Variants in CHRM2 observed in about 807,000 individuals in gnomAD.
CHRM2 encodes the protein muscarinic acetylcholine receptor M2.
A neutral mutation model predicts 25.0 loss-of-function variants in CHRM2; 8 were observed. The observed-to-expected ratio is 0.32, with a 90% CI of 0.19 to 0.58. The LOEUF (loss-of-function observed/expected upper bound fraction) is 0.58. Ranked by LOEUF, CHRM2 falls within the 20% of genes least tolerant of loss-of-function variation. The pLI is 0.88. For synonymous variants in CHRM2, 202 were observed against 205.7 expected, an observed-to-expected ratio of 0.98 and a Z score of 0.15; for missense variants, 440 against 567.1, an observed-to-expected ratio of 0.78 and a Z score of 2.28.
intron 2 of CHRM2, among the ~76,000 whole-genome samples, chr7:136,893,821 C>T (rs1796787815): frequency 1.3e-5 from 2 of 152,188 alleles, no homozygotes; most frequent in South Asian, 4.1e-4. Context: ...AAGCTCTATC[C>T]TCTCTGAAAA....
chr7:136,971,015 T>C (rs1038564219), intron 2 of CHRM2, among the ~76,000 whole-genome samples: 1 of 152,244 alleles, frequency 6.6e-6, no homozygotes, highest in Admixed American at 6.5e-5. Flanking sequence ...CTCTTCTCCA[T>C]CCTCTTAGTC....
At chr7:136,907,244 T>G (rs1185501942) in intron 2 of CHRM2, among the ~76,000 whole-genome samples, 1 of 151,880 alleles carries the variant, frequency 6.6e-6, no homozygotes, top group Non-Finnish European at 1.5e-5. Context: ...TGGCCTGGGG[T>G]TGAAGACCCC....
At chr7:136,959,338 A>G (rs1800922376) in intron 2 of CHRM2, among the ~76,000 whole-genome samples, 1 of 152,240 alleles carries the variant, frequency 6.6e-6, no homozygotes, top group African/African-American at 2.4e-5. Context: ...AAGCAAAGTG[A>G]TTTGAGTGGA....
intron 2 of CHRM2, among the ~76,000 whole-genome samples, chr7:136,974,288 T>C (rs1264652729): frequency 6.6e-6 from 1 of 152,188 alleles, no homozygotes; most frequent in African/African-American, 2.4e-5. Context: ...ATTTACTGAA[T>C]GCCTTCTATG....
intron 3 of CHRM2, among the ~76,000 whole-genome samples, chr7:137,007,182 T>C (rs952794989): frequency 6.6e-6 from 1 of 152,112 alleles, no homozygotes; most frequent in Non-Finnish European, 1.5e-5. Flanking sequence ...CTGACCAGCC[T>C]TGCTCCATGG....
intron 2 of CHRM2, among the ~76,000 whole-genome samples, chr7:136,930,237 AG>A (rs1798983140): frequency 6.6e-6 from 1 of 152,022 alleles, no homozygotes; most frequent in Admixed American, 6.5e-5. Context: ...GTTTGAGACC[AG>A]CCTGGCCTAC....
rs1797322606 is a variant in CHRM2, at chr7:136,903,111, G to A, written c.-125+33693G>A. 9 of 533,208 alleles carry A rather than the reference G, an allele frequency of 1.7e-5. No homozygotes were observed. In the Admixed American group the frequency reaches 1.8e-4, roughly 10 times the overall value. 33.0% of individuals were successfully genotyped at this position (533,208 alleles called of 1,614,324 possible). A position where few individuals can be genotyped will look rare whatever the true frequency, so the allele number is the denominator to read the frequency against. ...CAGAAACTCATTTGGGCTAGTGTAG[G>A]TGTAGGTTTTTTATTCTTCAACCAA... is the stretch of plus-strand genomic sequence containing the variant. On this transcript the variant is annotated intron_variant, in intron 2 of 3. Coordinates refer to ENST00000680005, the MANE Select transcript of CHRM2 (RefSeq NM_001006630.2).
rs774392841 is a variant in CHRM2, at chr7:137,018,868, G to A, written c.*2602G>A. The A allele has an allele frequency of 3.3e-5, 5 of 151,890 alleles. No individual in the cohort carries two copies. The highest frequency in any genetic ancestry group is 7.2e-5 in the African/African-American group (3 of 41,402). 9.4% of individuals were successfully genotyped at this position (151,890 alleles called of 1,614,324 possible). On this transcript the variant is annotated 3_prime_UTR_variant, in exon 4 of 4. Coordinates refer to ENST00000680005, the MANE Select transcript of CHRM2 (RefSeq NM_001006630.2). Reference sequence around the variant, plus strand: ...GGAGAGATATGGAGATTATATTCAAGGATTTTTATTAACCACTGCTGGATT... The same window carrying A: ...GGAGAGATATGGAGATTATATTCAAAGATTTTTATTAACCACTGCTGGATT...
intron 2 of CHRM2, among the ~76,000 whole-genome samples, chr7:136,975,162 C>T (rs939631531): frequency 2.0e-5 from 3 of 152,108 alleles, no homozygotes; most frequent in Non-Finnish European, 2.9e-5. Flanking sequence ...CAGAAAGTGT[C>T]AGGATGTAAG....
At chr7:136,885,470 C>T (rs1485962907) in intron 2 of CHRM2, among the ~76,000 whole-genome samples, 1 of 152,182 alleles carries the variant, frequency 6.6e-6, no homozygotes, top group Non-Finnish European at 1.5e-5. Flanking sequence ...TCTTATTATT[C>T]TGCTTTTTAA....
intron 2 of CHRM2, among the ~76,000 whole-genome samples, chr7:136,963,588 T>C (rs1441744855): frequency 1.3e-5 from 2 of 152,164 alleles, no homozygotes; most frequent in Non-Finnish European, 2.9e-5. Flanking sequence ...GGAAATTAAT[T>C]ATTCTCTATT....
chr7:136,905,952 A>AT (rs1209719642), intron 2 of CHRM2, among the ~76,000 whole-genome samples: 6 of 149,220 alleles, frequency 4.0e-5, no homozygotes, highest in Admixed American at 6.7e-5. Flanking sequence ...CCAAAATGTT[A>AT]TTTTTTTTTC....
intron 2 of CHRM2, among the ~76,000 whole-genome samples, chr7:136,951,979 A>C (rs908227763): frequency 1.3e-5 from 2 of 152,094 alleles, no homozygotes; most frequent in Non-Finnish European, 2.9e-5. Context: ...TCTCTTATCC[A>C]CAAGCAGGTT....
At chr7:136,917,655 A>T (rs1384000736) in intron 2 of CHRM2, among the ~76,000 whole-genome samples, 1 of 152,100 alleles carries the variant, frequency 6.6e-6, no homozygotes, top group Non-Finnish European at 1.5e-5. Context: ...AATCTTAAGC[A>T]TTTAAACCCA....
intron 3 of CHRM2, among the ~76,000 whole-genome samples, chr7:136,994,491 C>T (rs1584893684): frequency 8.1e-6 from 1 of 122,956 alleles, no homozygotes. Flanking sequence ...TATTCATTTT[C>T]TATAGTGCTT....
At chr7:136,892,214 T>C (rs1263538587) in intron 2 of CHRM2, among the ~76,000 whole-genome samples, 2 of 152,250 alleles carry the variant, frequency 1.3e-5, no homozygotes, top group South Asian at 4.1e-4. Flanking sequence ...AGTTGGTGAA[T>C]TGTGCTTCCT....
intron 3 of CHRM2, among the ~76,000 whole-genome samples, chr7:137,006,267 G>A (rs1453822213): frequency 1.3e-5 from 2 of 152,012 alleles, no homozygotes; most frequent in Non-Finnish European, 2.9e-5. Flanking sequence ...TTCCTTTTTG[G>A]CAGGAGTTGT....
In CHRM2 at chr7:136,980,144, T is replaced by G. The variant is rs184084435; in HGVS notation, c.-124-12043T>G. On this transcript the variant is annotated intron_variant, in intron 2 of 3. Coordinates refer to ENST00000680005, the MANE Select transcript of CHRM2 (RefSeq NM_001006630.2). ...CTTGAGCAGTGGTTTGTAGTTCTCC[T>G]TAAAGAGGTTCTTCACATCCTTTGT... 2.8e-3 allele frequency among the ~76,000 whole-genome samples: 429 copies of G among 152,346 alleles called. 4 individuals carry two copies. Among genetic ancestry groups the G allele is most frequent in the African/African-American group, 9.9e-3 (411 of 41,588 alleles).
chr7:136,926,172 G>A (rs1798739882), intron 2 of CHRM2, among the ~76,000 whole-genome samples: 2 of 152,046 alleles, frequency 1.3e-5, no homozygotes, highest in Admixed American at 6.5e-5. Flanking sequence ...GGAGGTCGAG[G>A]CTACAGTGAG....
Sources: gnomAD v4.1 joint callset for allele counts (sites outside exome capture counted in the v4.1 genomes callset) on GRCh38, gnomAD v4.1.1 for gene constraint, MANE v1.5 for transcripts, NCBI Gene and HGNC (gene_info 2026-07-23, HGNC 2026-07-21) for gene names.